The following MAP2K1 variants were observed in gnomAD, a reference collection of about 807,000 sequenced individuals.
MAP2K1 encodes the protein dual specificity mitogen-activated protein kinase kinase 1.
A neutral mutation model predicts 46.3 loss-of-function variants in MAP2K1; 16 were observed. The observed-to-expected ratio is 0.35, with a 90% CI of 0.23 to 0.52. The LOEUF is 0.52. Among genes scored for constraint, MAP2K1 ranks in the 20% least tolerant of loss-of-function variants. The probability of loss-of-function intolerance (pLI) is 0.94; values close to 1 mark genes in which losing one functional copy is unlikely to be tolerated. For synonymous variants in MAP2K1, 183 were observed against 185.6 expected (o/e 0.99, Z 0.11); for missense variants, 263 against 497.1 (o/e 0.53, Z 4.48).
chr15:66,428,838 G>A (rs1324709615), intron 1 of MAP2K1, among the ~76,000 whole-genome samples: 3 of 128,472 alleles, frequency 2.3e-5, no homozygotes, highest in Non-Finnish European at 4.7e-5. Context: ...AGAGTGCAGT[G>A]ACGCGATCTT....
At chr15:66,444,796 G>A (rs975622353) in intron 5 of MAP2K1, 89 bp downstream of exon 5, 24 of 1,091,792 alleles carry the variant, frequency 2.2e-5, no homozygotes, top group South Asian at 5.2e-5. Context: ...TTTTGTTTTC[G>A]TGTAAAAGCC....
At chr15:66,476,990 T>C (rs1595882558) in intron 5 of MAP2K1, among the ~76,000 whole-genome samples, 1 of 152,034 alleles carries the variant, frequency 6.6e-6, no homozygotes, top group Non-Finnish European at 1.5e-5. Flanking sequence ...TGCTCTGGGG[T>C]TCAGTGATCT....
chr15:66,438,920 C>T (rs2093496088), intron 3 of MAP2K1, among the ~76,000 whole-genome samples: 1 of 152,120 alleles, frequency 6.6e-6, no homozygotes, highest in South Asian at 2.1e-4. Context: ...GTACATAGAC[C>T]CAGAGGGCAG....
chr15:66,404,446 G>A (rs1273341000), intron 1 of MAP2K1, among the ~76,000 whole-genome samples: 6 of 152,156 alleles, frequency 3.9e-5, no homozygotes, highest in African/African-American at 1.4e-4. Context: ...AATATTTACT[G>A]GAATACTCCT....
intron 5 of MAP2K1, among the ~76,000 whole-genome samples, chr15:66,452,287 T>TAAAA (rs146502834): frequency 1.1e-3 from 111 of 103,428 alleles, no homozygotes; most frequent in South Asian, 1.8e-3. Flanking sequence ...TAGAGTATAA[T>TAAAA]AAAAAAAAAA....
chr15:66,472,018 A>G (rs1329377003), intron 5 of MAP2K1, among the ~76,000 whole-genome samples: 1 of 139,066 alleles, frequency 7.2e-6, no homozygotes, highest in Non-Finnish European at 1.5e-5. Flanking sequence ...CGGAGGTTGC[A>G]GTGAGCTGAG....
intron 1 of MAP2K1, among the ~76,000 whole-genome samples, chr15:66,402,710 A>G (rs1480631975): frequency 6.6e-6 from 1 of 152,084 alleles, no homozygotes; most frequent in Non-Finnish European, 1.5e-5. Flanking sequence ...TTTGTTTTGT[A>G]TGAACTGGTT....
chr15:66,400,199 TTTTCA>T (rs2093378078), intron 1 of MAP2K1, among the ~76,000 whole-genome samples: 1 of 152,102 alleles, frequency 6.6e-6, no homozygotes, highest in South Asian at 2.1e-4. Context: ...TTTTCTTTTC[TTTTCA>T]TTTAAGACAG....
chr15:66,399,266 T>C (rs2093375839), intron 1 of MAP2K1, among the ~76,000 whole-genome samples: 1 of 152,214 alleles, frequency 6.6e-6, no homozygotes, highest in African/African-American at 2.4e-5. Context: ...TCTTTCAATT[T>C]TTCTGTATGT....
intron 5 of MAP2K1, among the ~76,000 whole-genome samples, chr15:66,466,298 C>T (rs1345908755): frequency 3.9e-5 from 6 of 152,208 alleles, no homozygotes; most frequent in Non-Finnish European, 8.8e-5. Context: ...GTTAAGAATA[C>T]TCCCACATAG....
At chr15:66,410,025 T>TTGATAGTTCAGGTTA (rs1464070927) in intron 1 of MAP2K1, among the ~76,000 whole-genome samples, 1 of 152,214 alleles carries the variant, frequency 6.6e-6, no homozygotes, top group Non-Finnish European at 1.5e-5. Context: ...TTCAGCCTCC[T>TTGATAGTTCAGGTTA]GTATGTATAT....
chr15:66,423,033 T>C (rs1316081540), intron 1 of MAP2K1, among the ~76,000 whole-genome samples: 4 of 152,140 alleles, frequency 2.6e-5, no homozygotes, highest in African/African-American at 9.7e-5. Flanking sequence ...ACTCTGGGCC[T>C]CAAGTGGTCC....
chr15:66,439,038 C>T (rs1413763362), intron 3 of MAP2K1, among the ~76,000 whole-genome samples: 1 of 152,172 alleles, frequency 6.6e-6, no homozygotes, highest in East Asian at 1.9e-4. Context: ...GCCATGAGAG[C>T]CAGAGTGGCT....
At chr15:66,424,611 T>C (rs2093452300) in intron 1 of MAP2K1, among the ~76,000 whole-genome samples, 2 of 152,082 alleles carry the variant, frequency 1.3e-5, no homozygotes, top group Non-Finnish European at 2.9e-5. Flanking sequence ...TACATTTATT[T>C]TTTTTCTCAG....
chr15:66,460,296 C>T (rs1319376537), intron 5 of MAP2K1, among the ~76,000 whole-genome samples: 2 of 152,134 alleles, frequency 1.3e-5, no homozygotes, highest in African/African-American at 4.8e-5. Context: ...ATTATAGCTC[C>T]AGGTGAGTTT....
At chr15:66,439,407 G>A (rs1409119845) in intron 3 of MAP2K1, among the ~76,000 whole-genome samples, 1 of 152,074 alleles carries the variant, frequency 6.6e-6, no homozygotes, top group African/African-American at 2.4e-5. Flanking sequence ...TGAAGTGAGC[G>A]AATCACCTGA....
In MAP2K1 at chr15:66,389,724, G is replaced by T. The variant is rs540323759; in HGVS notation, c.80+2297G>T. ...TAACTAGCTGAGACTACAGGCACGT[G>T]CAACCGTGCCTGGCTAATTTTTGTA... On this transcript the variant is annotated intron_variant, in intron 1 of 10. Coordinates refer to ENST00000307102, the MANE Select transcript of MAP2K1 (RefSeq NM_002755.4). Among the ~76,000 whole-genome samples the T allele has an allele frequency of 4.0e-4, 61 of 152,052 alleles. 1 individual carries two copies. The highest frequency in any genetic ancestry group is 1.4e-3 in the African/African-American group (58 of 41,472).
chr15:66,437,771 T>C (rs2093492254), intron 3 of MAP2K1, among the ~76,000 whole-genome samples: 1 of 152,242 alleles, frequency 6.6e-6, no homozygotes, highest in Non-Finnish European at 1.5e-5. Flanking sequence ...CATCCACTGT[T>C]ATAGGCATCT....
intron 5 of MAP2K1, among the ~76,000 whole-genome samples, chr15:66,468,333 G>T (rs143485200): frequency 1.3e-5 from 2 of 152,030 alleles, no homozygotes; most frequent in Non-Finnish European, 2.9e-5. Context: ...ATTATGCTTG[G>T]CAGTTGTCAG....
Sources: allele counts gnomAD v4.1 joint callset (sites outside exome capture counted in the v4.1 genomes callset), GRCh38; gene constraint gnomAD v4.1.1; transcripts MANE v1.5; gene names NCBI Gene and HGNC (gene_info 2026-07-23, HGNC 2026-07-21).